CABLES1: variants seen among roughly 807,000 people sequenced by gnomAD.
CABLES1 encodes Cdk5 and Abl enzyme substrate 1.
A neutral mutation model predicts 57.8 loss-of-function variants in CABLES1; 36 were observed. The observed-to-expected ratio is 0.62, with a 90% CI of 0.48 to 0.82. The LOEUF (loss-of-function observed/expected upper bound fraction) is 0.82. Ranked by LOEUF, CABLES1 falls within the 40% of genes least tolerant of loss-of-function variation. CABLES1 has a pLI of 0.00. For missense variants in CABLES1, 767 were observed against 836.6 expected (o/e 0.92, Z 1.03); for synonymous variants, 374 against 363.0 (o/e 1.03, Z -0.35).
chr18:23,252,169 A>G (rs568206796), intron 7 of CABLES1, among the ~76,000 whole-genome samples: 2 of 152,264 alleles, frequency 1.3e-5, no homozygotes, highest in South Asian at 4.2e-4. Context: ...CATAAGGCAA[A>G]TTTATAGAGA....
intron 3 of CABLES1, among the ~76,000 whole-genome samples, chr18:23,209,851 A>AGTGGCCC (rs944984730): frequency 1.3e-5 from 2 of 152,134 alleles, no homozygotes; most frequent in African/African-American, 4.8e-5. Context: ...TTTGGTGAAA[A>AGTGGCCC]GTGGCCCGTG....
intron 4 of CABLES1, among the ~76,000 whole-genome samples, chr18:23,221,742 C>A (rs1450735409): frequency 6.6e-6 from 1 of 152,174 alleles, no homozygotes; most frequent in African/African-American, 2.4e-5. Context: ...GAACCTAGGC[C>A]CCCTGTGGGA....
At chr18:23,245,260 C>A (rs1032872231) in intron 7 of CABLES1, among the ~76,000 whole-genome samples, 5 of 152,142 alleles carry the variant, frequency 3.3e-5, no homozygotes, top group Non-Finnish European at 5.9e-5. Context: ...GTAACCCCAA[C>A]GCTTTGGGAG....
chr18:23,210,423 A>G (rs1442406921), intron 3 of CABLES1, among the ~76,000 whole-genome samples: 1 of 152,166 alleles, frequency 6.6e-6, no homozygotes, highest in African/African-American at 2.4e-5. Context: ...TTGGAAGTGG[A>G]CTGTGCTTGT....
intron 9 of CABLES1, among the ~76,000 whole-genome samples, chr18:23,254,700 C>T (rs1375926401): frequency 1.3e-5 from 2 of 152,196 alleles, no homozygotes; most frequent in Non-Finnish European, 2.9e-5. Flanking sequence ...TGGGCATCTT[C>T]TTGCCCATCC....
rs146411388 is a variant in CABLES1 at position 23,238,422 on chromosome 18, C to G, written c.1446+1177C>G. Reference sequence around the variant, plus strand: ...GCATTTAGTCATTGGAGAATTTATTCAAGTCAAAGGCATTTAGTTTGAAAT... The same window carrying G: ...GCATTTAGTCATTGGAGAATTTATTGAAGTCAAAGGCATTTAGTTTGAAAT... On this transcript the variant is annotated intron_variant, in intron 7 of 9. Transcript: ENST00000256925. 3.4e-3 allele frequency among the ~76,000 whole-genome samples: 514 copies of G among 152,336 alleles called. 3 individuals carry two copies. The highest frequency in any genetic ancestry group is 6.4e-3 in the Admixed American group (98 of 15,298).
chr18:23,138,619 G>A lies in CABLES1; in HGVS notation c.845+2012G>A, dbSNP rs182331617. On this transcript the variant is annotated intron_variant, in intron 1 of 9. Coordinates refer to ENST00000256925, the MANE Select transcript of CABLES1 (RefSeq NM_001100619.3). ...CAGGATGCTTTGTTGCCAACACCAC[G>A]CCGCTTGTCTTATCACTAGAGTACT... is the stretch of plus-strand genomic sequence containing the variant. 1.5e-4 allele frequency among the ~76,000 whole-genome samples: 23 copies of A among 152,312 alleles called. No individual in the cohort carries two copies. In the South Asian group the frequency reaches 3.7e-3, roughly 25 times the overall value.
chr18:23,143,426 G>A (rs1598795660), intron 1 of CABLES1, among the ~76,000 whole-genome samples: 1 of 152,224 alleles, frequency 6.6e-6, no homozygotes, highest in African/African-American at 2.4e-5. Context: ...AGCTCTGCTG[G>A]GTCCTCGTCT....
chr18:23,241,922 A>G (rs1257361987), intron 7 of CABLES1, among the ~76,000 whole-genome samples: 2 of 152,148 alleles, frequency 1.3e-5, no homozygotes, highest in Admixed American at 6.5e-5. Flanking sequence ...ACTTTGATCC[A>G]TGCAAGTCAC....
At chr18:23,229,543 C>G (rs1353997604) in intron 4 of CABLES1, among the ~76,000 whole-genome samples, 1 of 152,264 alleles carries the variant, frequency 6.6e-6, no homozygotes, top group Non-Finnish European at 1.5e-5. Context: ...TCGACATTCT[C>G]TAGCTCTATT....
intron 3 of CABLES1, among the ~76,000 whole-genome samples, chr18:23,208,397 C>T (rs980348435): frequency 6.6e-6 from 1 of 152,192 alleles, no homozygotes; most frequent in Non-Finnish European, 1.5e-5. Flanking sequence ...TTTCGTTCAG[C>T]TCTCATTATG....
intron 4 of CABLES1, among the ~76,000 whole-genome samples, chr18:23,225,122 C>G (rs909142538): frequency 6.6e-6 from 1 of 152,202 alleles, no homozygotes; most frequent in African/African-American, 2.4e-5. Flanking sequence ...CCACCTCGGC[C>G]TTCTAAAGTG....
chr18:23,244,100 C>G (rs75331328), intron 7 of CABLES1, among the ~76,000 whole-genome samples: 27,913 of 152,164 alleles, frequency 0.18, 3,269 homozygotes, highest in Non-Finnish European at 0.25. Flanking sequence ...TTGGCTCATT[C>G]TCTACTGCCA....
At chr18:23,221,310 A>G (rs2047485248) in intron 4 of CABLES1, among the ~76,000 whole-genome samples, 1 of 152,354 alleles carries the variant, frequency 6.6e-6, no homozygotes, top group Middle Eastern at 3.4e-3. Flanking sequence ...GCTAGATATA[A>G]TGAGATGCTT....
At chr18:23,187,829 T>C (rs2047214003) in intron 1 of CABLES1, among the ~76,000 whole-genome samples, 1 of 152,092 alleles carries the variant, frequency 6.6e-6, no homozygotes, top group South Asian at 2.1e-4. Flanking sequence ...ATCAGAGTAG[T>C]TGGTCAGAAA....
chr18:23,140,413 T>C (rs2046850193), intron 1 of CABLES1, among the ~76,000 whole-genome samples: 1 of 150,974 alleles, frequency 6.6e-6, no homozygotes, highest in Non-Finnish European at 1.5e-5. Flanking sequence ...ACCAGTGTAC[T>C]ATTTTTCTTT....
At chr18:23,194,405 A>T in intron 2 of CABLES1, 43 bp from the exon 3 acceptor site, 1 of 1,253,408 alleles carries the variant, frequency 8.0e-7, no homozygotes, top group Non-Finnish European at 1.2e-6. Context: ...TCAGCTGTCC[A>T]GCAGGCAACT....
intron 4 of CABLES1, among the ~76,000 whole-genome samples, chr18:23,222,918 A>C (rs947831850): frequency 6.6e-6 from 1 of 152,302 alleles, no homozygotes; most frequent in Admixed American, 6.5e-5. Flanking sequence ...CCCAGATGCA[A>C]GTGCTAAGCC....
intron 1 of CABLES1, among the ~76,000 whole-genome samples, chr18:23,137,243 T>C (rs916280390): frequency 8.5e-5 from 13 of 152,214 alleles, no homozygotes; most frequent in African/African-American, 3.1e-4. Flanking sequence ...CCAAGATGAA[T>C]TTGCTTGAGT....
Sources: allele counts gnomAD v4.1 joint callset (sites outside exome capture counted in the v4.1 genomes callset), GRCh38; gene constraint gnomAD v4.1.1; transcripts MANE v1.5; gene names NCBI Gene and HGNC (gene_info 2026-07-23, HGNC 2026-07-21).